Variants in PACSIN2 observed in about 807,000 individuals in gnomAD.
The protein encoded by PACSIN2 is protein kinase C and casein kinase substrate in neurons 2.
A neutral mutation model predicts 63.8 loss-of-function variants in PACSIN2; 25 were observed. That is an observed-to-expected ratio of 0.39 (90% CI 0.29 to 0.55). The LOEUF (loss-of-function observed/expected upper bound fraction) is 0.55, where lower values mean the gene tolerates loss of function less well. Among genes scored for constraint, PACSIN2 ranks in the 20% least tolerant of loss-of-function variants. PACSIN2 has a pLI of 0.62. For missense variants in PACSIN2, 518 were observed against 646.9 expected, an observed-to-expected ratio of 0.80 and a Z score of 2.16; for synonymous variants, 255 against 256.2, an observed-to-expected ratio of 1.00 and a Z score of 0.05.
At chr22:42,949,376 T>C (rs1305540273) in intron 1 of PACSIN2, among the ~76,000 whole-genome samples, 2 of 152,054 alleles carry the variant, frequency 1.3e-5, no homozygotes, top group African/African-American at 4.8e-5. Flanking sequence ...AAGCAGGACT[T>C]ACACACCCAT....
intron 1 of PACSIN2, among the ~76,000 whole-genome samples, chr22:42,944,377 A>C (rs942322636): frequency 3.3e-5 from 5 of 152,238 alleles, no homozygotes; most frequent in Admixed American, 2.6e-4. Flanking sequence ...CTTCCTTTAA[A>C]ATATGGAAAT....
intron 1 of PACSIN2, among the ~76,000 whole-genome samples, chr22:42,991,783 T>C (rs1412215889): frequency 7.2e-6 from 1 of 137,956 alleles, no homozygotes; most frequent in African/African-American, 2.8e-5. Flanking sequence ...TTTCAACAAA[T>C]GGTACTGAAA....
At chr22:42,893,402 C>T (rs1930051499) in intron 3 of PACSIN2, 55 bp downstream of exon 3, 1 of 1,577,670 alleles carries the variant, frequency 6.3e-7, no homozygotes, top group Non-Finnish European at 8.6e-7. Flanking sequence ...GCCCAGAGCC[C>T]CCGGCTGGGG....
Position 42,879,140 on chromosome 22 carries a change from G to A in PACSIN2, c.936C>T (p.Leu312=), listed in dbSNP as rs374888871. The A allele has an allele frequency of 9.3e-6, 15 of 1,614,058 alleles. No individual in the cohort carries two copies. Among genetic ancestry groups the A allele is most frequent in the Non-Finnish European group, 1.3e-5 (15 of 1,179,962 alleles). ...TGGCCTTCTTCTTCTCTCTCCGGCT[G>A]AGGGTTCGATTCAGGTCTGCGGACC... The part of the protein sequence containing the change: ...EEWSADLNRT[L]SRREKKKATD... The change falls in exon 8 of 11, where the codon CTC becomes CTT. Residue 312 remains leucine, a synonymous_variant. Coordinates refer to ENST00000263246, the MANE Select transcript of PACSIN2 (RefSeq NM_001184970.3).
At chr22:42,876,458 A>C in intron 9 of PACSIN2, 125 bp from the exon 10 acceptor site, 1 of 735,310 alleles carries the variant, frequency 1.4e-6, no homozygotes, top group Non-Finnish European at 2.3e-6. Flanking sequence ...CCGAAGGAGC[A>C]CAGGTGGAGC....
intron 2 of PACSIN2, among the ~76,000 whole-genome samples, chr22:42,901,933 C>T (rs923554407): frequency 3.9e-5 from 6 of 152,200 alleles, no homozygotes; most frequent in East Asian, 1.9e-4. Flanking sequence ...CCTTCCTCTC[C>T]GTGGTGCAGA....
chr22:42,978,855 G>A (rs73889009), intron 1 of PACSIN2, among the ~76,000 whole-genome samples: 3,903 of 152,238 alleles, frequency 0.026, 168 homozygotes, highest in African/African-American at 0.09. Context: ...TTCCAGCTGG[G>A]CTTTGGGAAA....
chr22:42,932,571 AT>A (rs1932803425), intron 1 of PACSIN2, among the ~76,000 whole-genome samples: 1 of 152,224 alleles, frequency 6.6e-6, no homozygotes, highest in Non-Finnish European at 1.5e-5. Context: ...ATAAAAGGAT[AT>A]CAAATAAGAC....
chr22:42,948,816 T>C (rs1337903053), intron 1 of PACSIN2, among the ~76,000 whole-genome samples: 6 of 152,236 alleles, frequency 3.9e-5, no homozygotes, highest in South Asian at 2.1e-4. Context: ...ATGGAGCCAG[T>C]TTCGTGTGAC....
intron 1 of PACSIN2, among the ~76,000 whole-genome samples, chr22:43,010,407 T>TTTTTTTTTA (rs1243585757): frequency 2.0e-5 from 3 of 148,040 alleles, no homozygotes; most frequent in South Asian, 4.3e-4. Context: ...TATTTTTTTT[T>TTTTTTTTTA]AATTGAAAAT....
At chr22:42,976,878 A>G (rs1335369910) in intron 1 of PACSIN2, among the ~76,000 whole-genome samples, 2 of 152,218 alleles carry the variant, frequency 1.3e-5, no homozygotes, top group Non-Finnish European at 2.9e-5. Context: ...GAATTAGTAA[A>G]TGGCAGGACT....
At chr22:42,891,304 G>T in intron 3 of PACSIN2, 122 bp from the exon 4 acceptor site, 1 of 636,200 alleles carries the variant, frequency 1.6e-6, no homozygotes, top group Non-Finnish European at 2.7e-6. Flanking sequence ...CAGGGTTTCA[G>T]ATATTTTTCT....
chr22:42,877,928 G>A (rs1471594917), intron 8 of PACSIN2, among the ~76,000 whole-genome samples: 2 of 152,230 alleles, frequency 1.3e-5, no homozygotes, highest in African/African-American at 4.8e-5. Flanking sequence ...AGGAAGGGAG[G>A]CGAGGACATG....
At chr22:42,876,092 A>G in intron 10 of PACSIN2, 45 bp downstream of exon 10, 1 of 1,532,920 alleles carries the variant, frequency 6.5e-7, no homozygotes, top group Non-Finnish European at 8.9e-7. Flanking sequence ...CACAGCCTGC[A>G]GGTTGGAAGC....
intron 1 of PACSIN2, among the ~76,000 whole-genome samples, chr22:42,968,385 G>T (rs1921005512): frequency 6.6e-6 from 1 of 152,158 alleles, no homozygotes; most frequent in African/African-American, 2.4e-5. Flanking sequence ...AGCATTCCAG[G>T]ACGCTACCAT....
intron 1 of PACSIN2, among the ~76,000 whole-genome samples, chr22:42,925,074 C>A (rs919999851): frequency 6.6e-6 from 1 of 151,908 alleles, no homozygotes; most frequent in African/African-American, 2.4e-5. Flanking sequence ...CCTGCCCCAG[C>A]CCCCTCAGAC....
chr22:42,903,185 C>T (rs1930823055), intron 2 of PACSIN2, among the ~76,000 whole-genome samples: 1 of 152,226 alleles, frequency 6.6e-6, no homozygotes, highest in South Asian at 2.1e-4. Context: ...CTAGAGGGGG[C>T]TCCAGGACTG....
chr22:42,920,995 C>T (rs763216233), intron 1 of PACSIN2, among the ~76,000 whole-genome samples: 3 of 151,692 alleles, frequency 2.0e-5, no homozygotes, highest in Admixed American at 6.6e-5. Context: ...GGGGTTTCGT[C>T]GTATTGCCCA....
intron 1 of PACSIN2, chr22:42,945,905 C>T (rs558629118): frequency 2.0e-5 from 3 of 153,022 alleles, no homozygotes; most frequent in East Asian, 1.9e-4. Context: ...AACTCCTCCC[C>T]CTACTTCCTC....
Sources: allele counts gnomAD v4.1 joint callset (sites outside exome capture counted in the v4.1 genomes callset), GRCh38; gene constraint gnomAD v4.1.1; transcripts MANE v1.5; gene names NCBI Gene and HGNC (gene_info 2026-07-23, HGNC 2026-07-21).